MYO10: variants seen among roughly 807,000 people sequenced by gnomAD.
MYO10 encodes myosin X, also known as unconventional myosin-X.
In MYO10, 133 loss-of-function variants were observed where a neutral mutation model predicts 257.3. The observed-to-expected ratio is 0.52, with a 90% CI of 0.45 to 0.60. MYO10 has a LOEUF of 0.60. MYO10 is among the 20% of genes least tolerant of loss of function. The probability of loss-of-function intolerance (pLI) is 0.00; values close to 1 mark genes in which losing one functional copy is unlikely to be tolerated. For missense variants in MYO10, 2,399 were observed against 2,635.7 expected, an observed-to-expected ratio of 0.91 and a Z score of 1.97; for synonymous variants, 1,104 against 1,028.6, an observed-to-expected ratio of 1.07 and a Z score of -1.40.
At chr5:16,912,354 G>C (rs1198202699) in intron 1 of MYO10, among the ~76,000 whole-genome samples, 2 of 152,188 alleles carry the variant, frequency 1.3e-5, no homozygotes, top group Non-Finnish European at 2.9e-5. Flanking sequence ...AATTCTTCCA[G>C]GTCAGTGAGC....
chr5:16,767,686 C>T (rs1366644014), intron 10 of MYO10, among the ~76,000 whole-genome samples: 1 of 150,270 alleles, frequency 6.7e-6, no homozygotes, highest in Admixed American at 6.6e-5. Context: ...GAAGTTTTCA[C>T]TTTTTTTTTG....
intron 4 of MYO10, among the ~76,000 whole-genome samples, chr5:16,790,091 C>A (rs250348): frequency 0.42 from 62,917 of 151,306 alleles, 13,320 homozygotes; most frequent in Non-Finnish European, 0.45. Context: ...AGTTTTGTTC[C>A]GCATTCCAAC....
chr5:16,896,603 A>G (rs1456782952), intron 1 of MYO10, among the ~76,000 whole-genome samples: 1 of 152,166 alleles, frequency 6.6e-6, no homozygotes, highest in African/African-American at 2.4e-5. Context: ...AAAAAAAAGA[A>G]AAGAAAAAGG....
rs572505803 is a variant in MYO10, at chr5:16,867,916, C to T, written c.120+9693G>A. ...TTGCAGATTTGGATGATTAAATCCT[C>T]AACTAGTGAATATTTTGGAAGACCC... On this transcript the variant is annotated intron_variant, in intron 2 of 40. Coordinates refer to ENST00000513610, the MANE Select transcript of MYO10 (RefSeq NM_012334.3). Among the ~76,000 whole-genome samples the T allele has an allele frequency of 5.3e-5, 8 of 152,280 alleles. No homozygotes were observed. In the South Asian group the frequency reaches 1.7e-3, roughly 32 times the overall value.
intron 19 of MYO10, among the ~76,000 whole-genome samples, chr5:16,738,764 G>A (rs1229708216): frequency 6.6e-6 from 1 of 151,732 alleles, no homozygotes; most frequent in Non-Finnish European, 1.5e-5. Context: ...GGTGGTGCAC[G>A]CCTGTAATCC....
intron 2 of MYO10, among the ~76,000 whole-genome samples, chr5:16,861,480 G>A: frequency 6.6e-6 from 1 of 152,136 alleles, no homozygotes; most frequent in East Asian, 1.9e-4. Context: ...GCTGAGGCAG[G>A]AGAATCACTT....
At chr5:16,783,901 C>T (rs1390018684) in intron 4 of MYO10, among the ~76,000 whole-genome samples, 1 of 152,198 alleles carries the variant, frequency 6.6e-6, no homozygotes, top group East Asian at 1.9e-4. Flanking sequence ...AAAATGCAAT[C>T]ATTCATGAGT....
intron 11 of MYO10, 50 bp from the exon 12 acceptor site, chr5:16,764,446 C>T (rs779544591): frequency 1.2e-6 from 2 of 1,601,420 alleles, no homozygotes; most frequent in East Asian, 4.5e-5. Flanking sequence ...GCACCCCAGA[C>T]AGGCAAGGCC....
chr5:16,766,004 T>C, intron 11 of MYO10, 76 bp downstream of exon 11: 1 of 964,988 alleles, frequency 1.0e-6, no homozygotes, highest in South Asian at 1.4e-5. Flanking sequence ...TATAATTACA[T>C]ATTTCAATCA....
At chr5:16,683,495 C>T (rs1003696585) in intron 30 of MYO10, among the ~76,000 whole-genome samples, 4 of 152,198 alleles carry the variant, frequency 2.6e-5, no homozygotes, top group Admixed American at 2.0e-4. Flanking sequence ...AAATCCTTTT[C>T]AAGTTTATCG....
At chr5:16,856,976 A>G (rs555650345) in intron 2 of MYO10, among the ~76,000 whole-genome samples, 2 of 152,340 alleles carry the variant, frequency 1.3e-5, no homozygotes, top group South Asian at 4.1e-4. Flanking sequence ...AACAAGCAAT[A>G]TGTATCAGCC....
intron 2 of MYO10, among the ~76,000 whole-genome samples, chr5:16,871,515 G>A (rs1218979059): frequency 6.6e-6 from 1 of 152,122 alleles, no homozygotes; most frequent in Non-Finnish European, 1.5e-5. Context: ...GCTGAGGTGG[G>A]AGGATCACTT....
intron 2 of MYO10, among the ~76,000 whole-genome samples, chr5:16,841,028 C>T (rs1743464126): frequency 6.6e-6 from 1 of 151,618 alleles, no homozygotes; most frequent in Non-Finnish European, 1.5e-5. Flanking sequence ...GCCTGTAATC[C>T]CAAGTACTTG....
intron 19 of MYO10, among the ~76,000 whole-genome samples, chr5:16,753,753 G>A (rs982442507): frequency 5.3e-5 from 8 of 152,208 alleles, no homozygotes; most frequent in African/African-American, 1.2e-4. Context: ...TTACAGGCGT[G>A]AGCCACCATG....
chr5:16,798,183 A>C lies in MYO10; in HGVS notation c.280-3350T>G, dbSNP rs1383900253. On this transcript the variant is annotated intron_variant, in intron 3 of 40. Coordinates refer to ENST00000513610, the MANE Select transcript of MYO10 (RefSeq NM_012334.3). ...GGCCAGTCTCCAGAACCATAAGCCA[A>C]GTAAACTTTTGCTCCTTATAAATTA... is the stretch of plus-strand genomic sequence containing the variant. Among the ~76,000 whole-genome samples the C allele has an allele frequency of 2.0e-5, 3 of 152,226 alleles. No homozygotes were observed. The East Asian group carries it at 5.8e-4, about 29-fold the overall frequency.
At chr5:16,785,528 C>T (rs1424556489) in intron 4 of MYO10, among the ~76,000 whole-genome samples, 1 of 152,200 alleles carries the variant, frequency 6.6e-6, no homozygotes, top group East Asian at 1.9e-4. Flanking sequence ...ACCTCTTTAT[C>T]CTCGGGCACA....
At chr5:16,933,940 A>C (rs1017644510) in intron 1 of MYO10, among the ~76,000 whole-genome samples, 1 of 152,220 alleles carries the variant, frequency 6.6e-6, no homozygotes, top group African/African-American at 2.4e-5. Flanking sequence ...GCAGCAAAGG[A>C]AAAAGGCTCT....
chr5:16,664,582 A>AG lies in MYO10; in HGVS notation c.*2109dup, dbSNP rs780568091. On this transcript the variant is annotated 3_prime_UTR_variant, in exon 41 of 41. Transcript: ENST00000513610. ...GTGGGAGTCAGTGGTCTGCAAGAGAAGTGGCGCTTGCTCATGCTAGACGCC... is the reference window on the plus strand; with the variant it reads ...GTGGGAGTCAGTGGTCTGCAAGAGAAGGTGGCGCTTGCTCATGCTAGACGCC... The AG allele has an allele frequency of 6.6e-6, 1 of 152,228 alleles. No individual in the cohort carries two copies. The highest frequency in any genetic ancestry group is 1.5e-5 in the Non-Finnish European group (1 of 68,062). The allele number at this position is 152,228 out of a possible 1,614,324, so 9.4% of individuals were successfully genotyped here.
rs1434380181 is a variant in MYO10 at position 16,869,641 on chromosome 5, G to A, written c.120+7968C>T. On this transcript the variant is annotated intron_variant, in intron 2 of 40. Coordinates refer to ENST00000513610, the MANE Select transcript of MYO10 (RefSeq NM_012334.3). Reference sequence around the variant, plus strand: ...GCACTTTGGGAAGCCAAGGCAGGTGGATCACCTGAGGTCAGGAGTTCAAGG... The same window carrying A: ...GCACTTTGGGAAGCCAAGGCAGGTGAATCACCTGAGGTCAGGAGTTCAAGG... 6.4e-3 allele frequency among the ~76,000 whole-genome samples: 950 copies of A among 148,578 alleles called. 15 individuals are homozygous for A. The highest frequency in any genetic ancestry group is 0.018 in the East Asian group (88 of 4,868).
Sources: allele counts gnomAD v4.1 joint callset (sites outside exome capture counted in the v4.1 genomes callset), GRCh38; gene constraint gnomAD v4.1.1; transcripts MANE v1.5; gene names NCBI Gene and HGNC (gene_info 2026-07-23, HGNC 2026-07-21).